OSBPL10: variants seen among roughly 807,000 people sequenced by gnomAD.
OSBPL10 encodes the protein oxysterol-binding protein-related protein 10.
In OSBPL10, 49 loss-of-function variants were observed where a neutral mutation model predicts 81.7. That is an observed-to-expected ratio of 0.60 (90% CI 0.48 to 0.76). The LOEUF (loss-of-function observed/expected upper bound fraction) is 0.76. OSBPL10 is among the 30% of genes least tolerant of loss of function. The probability of loss-of-function intolerance (pLI) is 0.00; values close to 1 mark genes in which losing one functional copy is unlikely to be tolerated. For missense variants in OSBPL10, 923 were observed against 987.8 expected, an observed-to-expected ratio of 0.93 and a Z score of 0.88; for synonymous variants, 419 against 383.6, an observed-to-expected ratio of 1.09 and a Z score of -1.08.
chr3:31,937,891 T>C lies in OSBPL10; in HGVS notation c.281+43008A>G, dbSNP rs199861785. 3.3e-5 allele frequency among the ~76,000 whole-genome samples: 5 copies of C among 152,306 alleles called. No individual in the cohort carries two copies. The East Asian group carries it at 5.8e-4, about 18-fold the overall frequency. Reference sequence around the variant, plus strand: ...CCTTTTCCCCTGGTTCAGTCCTCCCTGAGTCACCAAGTCCAGCAGTCATTC... The same window carrying C: ...CCTTTTCCCCTGGTTCAGTCCTCCCCGAGTCACCAAGTCCAGCAGTCATTC... On this transcript the variant is annotated intron_variant, in intron 1 of 11. Transcript: ENST00000396556.
At chr3:31,864,464 T>C (rs769691748) in intron 3 of OSBPL10, among the ~76,000 whole-genome samples, 4 of 152,104 alleles carry the variant, frequency 2.6e-5, no homozygotes, top group Non-Finnish European at 5.9e-5. Flanking sequence ...GGTCTCGAAT[T>C]CCTGACCTCA....
chr3:31,883,279 G>A (rs1695641270), intron 1 of OSBPL10, among the ~76,000 whole-genome samples: 1 of 147,800 alleles, frequency 6.8e-6, no homozygotes, highest in African/African-American at 2.5e-5. Context: ...TCGCTTCTTT[G>A]CCCAGGCTAG....
chr3:31,787,964 A>T (rs1698900898), intron 4 of OSBPL10, among the ~76,000 whole-genome samples: 1 of 152,080 alleles, frequency 6.6e-6, no homozygotes, highest in Non-Finnish European at 1.5e-5. Flanking sequence ...AAATGGAAAC[A>T]TATATTAAGT....
intron 6 of OSBPL10, among the ~76,000 whole-genome samples, chr3:31,723,572 C>CACACACACCTA (rs753039730): frequency 1.4e-5 from 2 of 146,648 alleles, no homozygotes; most frequent in African/African-American, 5.3e-5. Context: ...ACACACACAC[C>CACACACACCTA]CCTTTCCCTC....
At chr3:31,950,196 G>A (rs1001530003) in intron 1 of OSBPL10, among the ~76,000 whole-genome samples, 8 of 152,212 alleles carry the variant, frequency 5.3e-5, no homozygotes, top group African/African-American at 1.9e-4. Flanking sequence ...GAACTAAAAG[G>A]AGATATTTGC....
At chr3:31,698,707 C>A (rs747700762) in intron 7 of OSBPL10, among the ~76,000 whole-genome samples, 1 of 152,116 alleles carries the variant, frequency 6.6e-6, no homozygotes, top group Non-Finnish European at 1.5e-5. Flanking sequence ...CCATCCCCTC[C>A]GGCCAGAACA....
chr3:31,743,697 A>G (rs866009683), intron 5 of OSBPL10, among the ~76,000 whole-genome samples: 4 of 152,246 alleles, frequency 2.6e-5, no homozygotes, highest in Middle Eastern at 3.2e-3. Flanking sequence ...GAAGGCAAAG[A>G]GCCATCAGGC....
chr3:31,677,631 A>C (rs1042801872), intron 8 of OSBPL10, among the ~76,000 whole-genome samples: 3 of 152,200 alleles, frequency 2.0e-5, no homozygotes, highest in Non-Finnish European at 4.4e-5. Context: ...AGGGTGTTCC[A>C]CGGCTTCTCA....
rs192868192 is a variant in OSBPL10, at chr3:31,965,553, T to A, written c.281+15346A>T. ...TATTATATAAATTATATATTATATA[T>A]TATATAAATTATATATTATATAATA... On this transcript the variant is annotated intron_variant, in intron 1 of 11. Transcript: ENST00000396556. 5.4e-3 allele frequency among the ~76,000 whole-genome samples: 347 copies of A among 64,462 alleles called. 43 individuals carry two copies. The highest frequency in any genetic ancestry group is 0.025 in the African/African-American group (266 of 10,616). The allele number at this position is 64,462 out of a possible 152,430, so 42.3% of individuals were successfully genotyped here.
intron 1 of OSBPL10, among the ~76,000 whole-genome samples, chr3:32,049,775 T>C (rs1249962781): frequency 6.6e-6 from 1 of 152,154 alleles, no homozygotes; most frequent in Admixed American, 6.5e-5. Flanking sequence ...ATGGGAAAAC[T>C]TGAGAGCTGA....
intron 2 of OSBPL10, among the ~76,000 whole-genome samples, chr3:32,000,223 A>T (rs564993620): frequency 3.9e-5 from 6 of 152,332 alleles, no homozygotes; most frequent in Admixed American, 1.3e-4. Context: ...ATTTCACTGT[A>T]GCATGGTCAT....
At chr3:31,853,372 G>A (rs1274788050) in intron 3 of OSBPL10, among the ~76,000 whole-genome samples, 1 of 152,132 alleles carries the variant, frequency 6.6e-6, no homozygotes, top group East Asian at 1.9e-4. Flanking sequence ...GCATCAAGGG[G>A]TCTGTGAAGG....
chr3:31,797,861 G>T, intron 4 of OSBPL10: 1 of 452,906 alleles, frequency 2.2e-6, no homozygotes, highest in South Asian at 1.6e-5. Context: ...TGGGGATGGG[G>T]GGGTGAATGT....
chr3:31,783,146 T>TATATACACACACACACACACACACACAC (rs1485968747), intron 4 of OSBPL10, among the ~76,000 whole-genome samples: 2 of 113,034 alleles, frequency 1.8e-5, no homozygotes, highest in African/African-American at 7.7e-5. Flanking sequence ...TATATATATA[T>TATATACACACACACACACACACACACAC]ACACACACAC....
intron 1 of OSBPL10, among the ~76,000 whole-genome samples, chr3:31,932,225 G>C (rs1697269728): frequency 1.3e-5 from 2 of 152,082 alleles, no homozygotes; most frequent in African/African-American, 4.8e-5. Flanking sequence ...ATAAGTTTAT[G>C]CTAAAATAAT....
At chr3:31,961,921 AAG>A in intron 1 of OSBPL10, among the ~76,000 whole-genome samples, 1 of 76,082 alleles carries the variant, frequency 1.3e-5, no homozygotes. Context: ...TTTTTTTTTT[AAG>A]AGTTTTTTTT....
At chr3:31,818,743 A>C (rs4955209) in intron 4 of OSBPL10, among the ~76,000 whole-genome samples, 105,067 of 152,066 alleles carry the variant, frequency 0.69, 36,850 homozygotes, top group East Asian at 0.93. Flanking sequence ...CCTGAGTGGA[A>C]TTCCCACTGG....
chr3:31,765,361 T>A (rs1010095102), intron 4 of OSBPL10, among the ~76,000 whole-genome samples: 1 of 152,192 alleles, frequency 6.6e-6, no homozygotes, highest in Non-Finnish European at 1.5e-5. Context: ...TGTTACTAAT[T>A]TGTTAATTTC....
intron 1 of OSBPL10, among the ~76,000 whole-genome samples, chr3:31,888,973 T>C (rs1476042594): frequency 6.6e-6 from 1 of 152,048 alleles, no homozygotes; most frequent in East Asian, 1.9e-4. Context: ...ATAATCTGAT[T>C]TTAAATTCAT....
Sources: gnomAD v4.1 joint callset for allele counts (sites outside exome capture counted in the v4.1 genomes callset) on GRCh38, gnomAD v4.1.1 for gene constraint, MANE v1.5 for transcripts, NCBI Gene and HGNC (gene_info 2026-07-23, HGNC 2026-07-21) for gene names.